Variants in OSBPL1A observed in about 807,000 individuals in gnomAD.
OSBPL1A encodes the protein oxysterol binding protein like 1A.
Under a neutral mutation model 137.1 loss-of-function variants are expected in OSBPL1A, and 80 were observed. The observed-to-expected ratio is 0.58, with a 90% CI of 0.49 to 0.70. The LOEUF (loss-of-function observed/expected upper bound fraction) is 0.70, where lower values mean the gene tolerates loss of function less well. Ranked by LOEUF, OSBPL1A falls within the 30% of genes least tolerant of loss-of-function variation. The pLI, the probability that OSBPL1A is intolerant of heterozygous loss-of-function variation, is 0.00. For missense variants in OSBPL1A, 970 were observed against 1,129.4 expected (o/e 0.86, Z 2.02); for synonymous variants, 365 against 389.7 (o/e 0.94, Z 0.75).
At position 24,283,945 on chromosome 18, in the gene OSBPL1A, A is replaced by AAT. The variant is rs774565017; in HGVS notation, c.1175-2999_1175-2998dup. Among the ~76,000 whole-genome samples, 26 of 151,914 alleles carry AAT rather than the reference A, an allele frequency of 1.7e-4. No homozygotes were observed. The East Asian group carries it at 4.1e-3, about 24-fold the overall frequency. The stretch of plus-strand genomic sequence containing the variant: ...CTGCAAGGTTTCAAAAAATATTCCA[A>AAT]ATATATATATATGTGTGTGTATATA... On this transcript the variant is annotated intron_variant, in intron 14 of 27. Coordinates refer to ENST00000319481, the MANE Select transcript of OSBPL1A (RefSeq NM_080597.4).
At chr18:24,282,017 C>T (rs1381640082) in intron 14 of OSBPL1A, among the ~76,000 whole-genome samples, 1 of 152,112 alleles carries the variant, frequency 6.6e-6, no homozygotes, top group African/African-American at 2.4e-5. Context: ...TTATGAGAAT[C>T]TAATGCCTGA....
chr18:24,386,409 A>G (rs1006172204), intron 1 of OSBPL1A, among the ~76,000 whole-genome samples: 5 of 152,224 alleles, frequency 3.3e-5, no homozygotes, highest in African/African-American at 1.2e-4. Flanking sequence ...GCAATCTGAC[A>G]CTACATGTTC....
intron 16 of OSBPL1A, among the ~76,000 whole-genome samples, chr18:24,230,954 T>C (rs1008540415): frequency 3.9e-5 from 6 of 152,090 alleles, no homozygotes; most frequent in African/African-American, 1.4e-4. Context: ...GATTATATTT[T>C]ATAGGGAAAC....
intron 16 of OSBPL1A, among the ~76,000 whole-genome samples, chr18:24,233,653 CTCTT>C (rs1006110346): frequency 1.8e-4 from 27 of 152,076 alleles, no homozygotes; most frequent in African/African-American, 5.1e-4. Flanking sequence ...CTCTCTCTCT[CTCTT>C]TCTTTCTTTC....
Position 24,190,103 on chromosome 18 carries a change from C to T in OSBPL1A, c.1677+6022G>A, listed in dbSNP as rs895778748. The stretch of plus-strand genomic sequence containing the variant: ...GAAGAGCTTCAGAGCTGAGAGGTGG[C>T]GTGAACCCTCCTGCTAGGGGACTTC... On this transcript the variant is annotated intron_variant, in intron 18 of 27. Transcript: ENST00000319481. Among the ~76,000 whole-genome samples the T allele has an allele frequency of 3.3e-5, 5 of 152,238 alleles. 1 individual carries two copies. In the East Asian group the frequency reaches 7.7e-4, roughly 24 times the overall value.
intron 17 of OSBPL1A, among the ~76,000 whole-genome samples, chr18:24,213,774 C>G (rs2087612871): frequency 6.6e-6 from 1 of 152,084 alleles, no homozygotes; most frequent in African/African-American, 2.4e-5. Context: ...CTTGTTTTGA[C>G]TTTAATAAGT....
chr18:24,245,018 G>C (rs2088839101), intron 15 of OSBPL1A, among the ~76,000 whole-genome samples: 1 of 152,138 alleles, frequency 6.6e-6, no homozygotes, highest in Non-Finnish European at 1.5e-5. Flanking sequence ...AGTTCAACAG[G>C]ATAAGCCTTA....
chr18:24,374,364 C>T (rs1429520036), intron 2 of OSBPL1A, among the ~76,000 whole-genome samples: 2 of 152,082 alleles, frequency 1.3e-5, no homozygotes, highest in African/African-American at 4.8e-5. Context: ...CACCTGAAGC[C>T]AGCCCTTTCT....
At chr18:24,203,059 C>T (rs552057789) in intron 17 of OSBPL1A, among the ~76,000 whole-genome samples, 1 of 152,300 alleles carries the variant, frequency 6.6e-6, no homozygotes, top group South Asian at 2.1e-4. Flanking sequence ...CTCACTGCAA[C>T]CTCCACCTCC....
At chr18:24,219,317 C>CAT (rs374999857) in intron 17 of OSBPL1A, among the ~76,000 whole-genome samples, 244 of 152,030 alleles carry the variant, frequency 1.6e-3, no homozygotes, top group African/African-American at 5.6e-3. Flanking sequence ...TAAATCAGAA[C>CAT]ATTGATGTGG....
rs1439614876 is a variant in OSBPL1A, at chr18:24,179,834, C to T, written c.1814G>A (p.Cys605Tyr). The T allele has an allele frequency of 2.5e-6, 4 of 1,613,542 alleles. No individual in the cohort carries two copies. The South Asian group carries it at 4.4e-5, about 18-fold the overall frequency. The part of the protein sequence containing the change: ...SLSDPVERMQ[C>Y]VAAFAVSAVA... Reference sequence around the variant, plus strand: ...AGCAGATACAGCAAACGCAGCTACACACTGTGGGACAGAGCATGAGAACAA... The same window carrying T: ...AGCAGATACAGCAAACGCAGCTACATACTGTGGGACAGAGCATGAGAACAA... The change falls in exon 20 of 28, where the codon TGT (cysteine) becomes TAT (tyrosine). Residue 605 changes from cysteine to tyrosine, a missense_variant and splice_region_variant. Coordinates refer to ENST00000319481, the MANE Select transcript of OSBPL1A (RefSeq NM_080597.4).
intron 7 of OSBPL1A, among the ~76,000 whole-genome samples, chr18:24,324,931 C>T (rs1219901121): frequency 6.6e-6 from 1 of 151,386 alleles, no homozygotes. Context: ...ACTAAAAATA[C>T]AAAAATTAGC....
intron 7 of OSBPL1A, 76 bp from the exon 8 acceptor site, chr18:24,318,885 C>T: frequency 2.6e-6 from 3 of 1,152,678 alleles, no homozygotes; most frequent in Non-Finnish European, 3.8e-6. Context: ...ACTGCAGCAT[C>T]TAATAGTCCT....
intron 15 of OSBPL1A, among the ~76,000 whole-genome samples, chr18:24,261,864 A>G (rs571306134): frequency 6.6e-6 from 1 of 152,104 alleles, no homozygotes; most frequent in African/African-American, 2.4e-5. Context: ...AAAATAAAAA[A>G]TTTTTTCAAA....
At chr18:24,344,653 G>A (rs1311953306) in intron 4 of OSBPL1A, among the ~76,000 whole-genome samples, 3 of 152,108 alleles carry the variant, frequency 2.0e-5, no homozygotes, top group African/African-American at 7.2e-5. Context: ...AGCTAGGGAC[G>A]CCCAGCATGC....
intron 15 of OSBPL1A, among the ~76,000 whole-genome samples, chr18:24,270,790 C>A (rs932955267): frequency 6.6e-6 from 1 of 152,130 alleles, no homozygotes; most frequent in Admixed American, 6.5e-5. Flanking sequence ...ACACACATTT[C>A]AAGCATTTTT....
intron 17 of OSBPL1A, among the ~76,000 whole-genome samples, chr18:24,202,618 C>T (rs1454451973): frequency 1.3e-5 from 2 of 152,338 alleles, no homozygotes; most frequent in East Asian, 3.9e-4. Flanking sequence ...TTATCATAAT[C>T]TACATGTGAA....
intron 21 of OSBPL1A, among the ~76,000 whole-genome samples, chr18:24,173,213 C>T (rs2086335923): frequency 6.6e-6 from 1 of 152,002 alleles, no homozygotes; most frequent in Non-Finnish European, 1.5e-5. Flanking sequence ...CTCATGAACA[C>T]AAAGAAGGGA....
intron 21 of OSBPL1A, 63 bp downstream of exon 21, chr18:24,177,950 T>C: frequency 6.8e-7 from 1 of 1,477,708 alleles, no homozygotes; most frequent in Non-Finnish European, 9.3e-7. Context: ...CAGCTGAGTG[T>C]GCATGTCTAC....
Sources: gnomAD v4.1 joint callset for allele counts (sites outside exome capture counted in the v4.1 genomes callset) on GRCh38, gnomAD v4.1.1 for gene constraint, MANE v1.5 for transcripts, NCBI Gene and HGNC (gene_info 2026-07-23, HGNC 2026-07-21) for gene names.